The following NRXN1 variants were observed in gnomAD, a reference collection of about 807,000 sequenced individuals.
NRXN1 encodes the protein neurexin 1.
In NRXN1, 39 loss-of-function variants were observed where a neutral mutation model predicts 150.9. The observed-to-expected ratio is 0.26, with a 90% CI of 0.20 to 0.34. The LOEUF is 0.34. Ranked by LOEUF, NRXN1 falls within the 10% of genes least tolerant of loss-of-function variation. The pLI, the probability that NRXN1 is intolerant of heterozygous loss-of-function variation, is 1.00. For synonymous variants in NRXN1, 924 were observed against 757.0 expected (o/e 1.22, Z -3.62); for missense variants, 1,815 against 1,949.9 (o/e 0.93, Z 1.30).
chr2:49,980,408 A>G (rs1679803254), intron 21 of NRXN1, among the ~76,000 whole-genome samples: 1 of 152,156 alleles, frequency 6.6e-6, no homozygotes, highest in Admixed American at 6.6e-5. Flanking sequence ...CCATATCAAC[A>G]AGATTTCAAT....
At chr2:50,589,942 T>G (rs1182786396) in intron 8 of NRXN1, among the ~76,000 whole-genome samples, 1 of 152,218 alleles carries the variant, frequency 6.6e-6, no homozygotes, top group Non-Finnish European at 1.5e-5. Flanking sequence ...TTTTATTCAC[T>G]ATTATATCCT....
chr2:50,772,934 C>A (rs768867076), intron 5 of NRXN1, among the ~76,000 whole-genome samples: 9 of 152,040 alleles, frequency 5.9e-5, no homozygotes, highest in Non-Finnish European at 1.0e-4. Flanking sequence ...AAAGGAGGAG[C>A]CTCGTCCATC....
intron 17 of NRXN1, among the ~76,000 whole-genome samples, chr2:50,263,851 T>C (rs959125730): frequency 6.6e-6 from 1 of 152,118 alleles, no homozygotes; most frequent in Non-Finnish European, 1.5e-5. Context: ...ACTCTATTGA[T>C]TGGCTATTTG....
At chr2:49,987,022 C>A (rs1262261689) in intron 21 of NRXN1, among the ~76,000 whole-genome samples, 1 of 151,928 alleles carries the variant, frequency 6.6e-6, no homozygotes, top group Non-Finnish European at 1.5e-5. Flanking sequence ...CCACTGCGTT[C>A]CAGCTTGGCT....
rs116268615 is a variant in NRXN1, at chr2:50,704,179, T to G, written c.833-80564A>C. On this transcript the variant is annotated intron_variant, in intron 5 of 22. Coordinates refer to ENST00000401669, the MANE Select transcript of NRXN1 (RefSeq NM_001330078.2). ...ATTATTCTCTACTGATAGAATAGTA[T>G]GCATCCTCTTATATCAACAGAGAAG... Among the ~76,000 whole-genome samples the G allele has an allele frequency of 6.9e-3, 1,047 of 152,178 alleles. 12 individuals are homozygous for G. Among genetic ancestry groups the G allele is most frequent in the African/African-American group, 0.024 (979 of 41,552 alleles).
At chr2:50,251,926 G>A (rs2067130524) in intron 17 of NRXN1, among the ~76,000 whole-genome samples, 2 of 152,042 alleles carry the variant, frequency 1.3e-5, no homozygotes, top group Non-Finnish European at 2.9e-5. Flanking sequence ...GTAGATTCTG[G>A]ATATTAGACC....
At chr2:49,972,221 G>A (rs1012916757) in intron 21 of NRXN1, among the ~76,000 whole-genome samples, 3 of 151,988 alleles carry the variant, frequency 2.0e-5, no homozygotes, top group South Asian at 2.1e-4. Flanking sequence ...GACTTTTCTG[G>A]GCAAAAACTG....
intron 5 of NRXN1, among the ~76,000 whole-genome samples, chr2:50,639,532 T>G (rs945296918): frequency 1.3e-5 from 2 of 152,026 alleles, no homozygotes; most frequent in African/African-American, 4.8e-5. Context: ...CTTTTCTGCA[T>G]TTTTAATGCC....
At chr2:50,626,895 C>T (rs560090687) in intron 5 of NRXN1, among the ~76,000 whole-genome samples, 42 of 151,726 alleles carry the variant, frequency 2.8e-4, no homozygotes, top group African/African-American at 9.2e-4. Flanking sequence ...CGAATCAATA[C>T]AAAAATAAAG....
At chr2:50,818,189 A>AGTGT (rs1669203751) in intron 5 of NRXN1, among the ~76,000 whole-genome samples, 1 of 140,768 alleles carries the variant, frequency 7.1e-6, no homozygotes, top group African/African-American at 2.5e-5. Flanking sequence ...TACAAAAACA[A>AGTGT]TTGTTTTTTT....
intron 12 of NRXN1, among the ~76,000 whole-genome samples, chr2:50,522,720 A>ATTTTTTTT (rs869200431): frequency 6.3e-5 from 3 of 47,726 alleles, no homozygotes; most frequent in Non-Finnish European, 1.6e-4. Flanking sequence ...ATTTTTATTC[A>ATTTTTTTT]TTTTTTTTTT....
chr2:50,322,164 A>C (rs923853837), intron 17 of NRXN1, among the ~76,000 whole-genome samples: 1 of 152,210 alleles, frequency 6.6e-6, no homozygotes, highest in Non-Finnish European at 1.5e-5. Context: ...AGGGCTAACT[A>C]GAAGGTTAAC....
chr2:50,698,672 T>A (rs1394996474), intron 5 of NRXN1, among the ~76,000 whole-genome samples: 1 of 152,286 alleles, frequency 6.6e-6, no homozygotes, highest in East Asian at 1.9e-4. Context: ...AAAAGGGATC[T>A]TGAATCCAAA....
chr2:50,264,792 A>C (rs978379681), intron 17 of NRXN1, among the ~76,000 whole-genome samples: 2 of 152,082 alleles, frequency 1.3e-5, no homozygotes, highest in African/African-American at 4.8e-5. Context: ...GTTATAATCT[A>C]GGCCTCTGTC....
chr2:50,701,743 CT>C (rs1240530191), intron 5 of NRXN1, among the ~76,000 whole-genome samples: 1 of 152,110 alleles, frequency 6.6e-6, no homozygotes, highest in African/African-American at 2.4e-5. Flanking sequence ...GTTGTAAGCC[CT>C]TTAAGGATGG....
At chr2:50,268,655 C>T (rs1206535272) in intron 17 of NRXN1, among the ~76,000 whole-genome samples, 1 of 152,186 alleles carries the variant, frequency 6.6e-6, no homozygotes, top group Non-Finnish European at 1.5e-5. Flanking sequence ...ATCACCCAGA[C>T]AATGTCTGTA....
rs373723029 is a variant in NRXN1 at position 49,922,227 on chromosome 2, C to T, written c.4241G>A (p.Arg1414Lys). 9.3e-6 allele frequency: 15 copies of T among 1,613,928 alleles called. No homozygotes were observed. The highest frequency in any genetic ancestry group is 1.3e-5 in the Non-Finnish European group (15 of 1,179,978). The part of the protein sequence containing the change: ...GLANPTRAGG[R>K]EPYPGSAEVI... ...TTCTGCTGAGCCTGGATACGGCTCT[C>T]TGCCGCCTGCTCGGGTTGGGTTGGC... Residue 1414 changes from arginine (R) to lysine (K), a missense_variant, in exon 23 of 23, where the codon AGA becomes AAA. Transcript: ENST00000401669.
chr2:50,413,886 G>C (rs2083357756), intron 17 of NRXN1, among the ~76,000 whole-genome samples: 1 of 152,128 alleles, frequency 6.6e-6, no homozygotes, highest in African/African-American at 2.4e-5. Flanking sequence ...CAACAACACA[G>C]ATGGAACTGG....
chr2:50,991,382 T>C (rs1264911718), intron 2 of NRXN1, among the ~76,000 whole-genome samples: 1 of 152,048 alleles, frequency 6.6e-6, no homozygotes, highest in Non-Finnish European at 1.5e-5. Flanking sequence ...ACTGCAGTAG[T>C]ACCTCATCAA....
Sources: gnomAD v4.1 joint callset for allele counts (sites outside exome capture counted in the v4.1 genomes callset) on GRCh38, gnomAD v4.1.1 for gene constraint, MANE v1.5 for transcripts, NCBI Gene and HGNC (gene_info 2026-07-23, HGNC 2026-07-21) for gene names.